SAMD5: variants seen among roughly 807,000 people sequenced by gnomAD.
SAMD5 encodes sterile alpha motif domain-containing protein 5.
In SAMD5, 13 loss-of-function variants were observed where a neutral mutation model predicts 11.3. The ratio of observed to expected loss-of-function variants is 1.15; its 90% confidence interval spans 0.75 to 1.83. The LOEUF is 1.83. Among genes scored for constraint, SAMD5 ranks in the 40% most tolerant of loss-of-function variants. SAMD5 has a pLI of 0.00. For synonymous variants in SAMD5, 129 were observed against 111.3 expected (o/e 1.16, Z -1.00); for missense variants, 255 against 239.1 (o/e 1.07, Z -0.44).
At chr6:147,806,348 T>G in the SAMD5 span, among the ~76,000 whole-genome samples, 10 of 152,118 alleles carry the variant, frequency 6.6e-5, no homozygotes, top group African/African-American at 2.4e-4. Context: ...TGTGATGCAT[T>G]TGCTGCTACT....
At chr6:147,920,056 A>T in the SAMD5 span, among the ~76,000 whole-genome samples, 532 of 152,302 alleles carry the variant, frequency 3.5e-3, 2 homozygotes, top group African/African-American at 0.012. Context: ...ACTGTTTGTG[A>T]TGGTTACCAT....
At chr6:147,637,896 C>T (rs1001591246) in intron 1 of SAMD5, among the ~76,000 whole-genome samples, 10 of 150,848 alleles carry the variant, frequency 6.6e-5, no homozygotes, top group Admixed American at 2.0e-4. Flanking sequence ...AATTTAATAC[C>T]TTTGTTCAGT....
chr6:147,649,470 C>T (rs187416196), intron 1 of SAMD5, among the ~76,000 whole-genome samples: 1 of 152,222 alleles, frequency 6.6e-6, no homozygotes. Flanking sequence ...GATGTATGCT[C>T]AATGAATGAA....
the SAMD5 span, among the ~76,000 whole-genome samples, chr6:147,934,981 C>A: frequency 1.4e-4 from 22 of 152,260 alleles, no homozygotes; most frequent in East Asian, 4.1e-3. Context: ...AGGTTTCAGA[C>A]AACTTGTGTC....
the SAMD5 span, among the ~76,000 whole-genome samples, chr6:147,830,251 C>CTT: frequency 9.7e-3 from 821 of 84,844 alleles, 16 homozygotes; most frequent in African/African-American, 0.026. Flanking sequence ...TTCTTTCTTT[C>CTT]TTTTTTTTTT....
intron 1 of SAMD5, among the ~76,000 whole-genome samples, chr6:147,554,459 C>G (rs1583080194): frequency 6.6e-6 from 1 of 152,202 alleles, no homozygotes; most frequent in African/African-American, 2.4e-5. Flanking sequence ...GTTTGGGGAA[C>G]TGAGCTTGGT....
At chr6:147,834,501 G>A in the SAMD5 span, among the ~76,000 whole-genome samples, 2 of 152,338 alleles carry the variant, frequency 1.3e-5, no homozygotes, top group Admixed American at 6.5e-5. Flanking sequence ...AACACAGGAA[G>A]AGCCTGAGTG....
chr6:147,735,998 G>C (rs750112596), intron 1 of SAMD5, among the ~76,000 whole-genome samples: 53 of 152,106 alleles, frequency 3.5e-4, no homozygotes, highest in Non-Finnish European at 7.2e-4. Context: ...TATATGTCTA[G>C]GTGGGTAGCT....
intron 1 of SAMD5, among the ~76,000 whole-genome samples, chr6:147,675,782 T>C (rs965504583): frequency 3.9e-5 from 6 of 152,046 alleles, no homozygotes; most frequent in Non-Finnish European, 7.3e-5. Context: ...ATAGAATCCA[T>C]TTAAAATGAA....
intron 1 of SAMD5, among the ~76,000 whole-genome samples, chr6:147,703,395 A>G (rs925824275): frequency 6.6e-6 from 1 of 152,082 alleles, no homozygotes; most frequent in Non-Finnish European, 1.5e-5. Flanking sequence ...TTGAATAGTT[A>G]ATCTTAGACT....
the SAMD5 span, among the ~76,000 whole-genome samples, chr6:147,781,772 GCACACACACA>G: frequency 4.2e-3 from 608 of 146,306 alleles, 4 homozygotes; most frequent in African/African-American, 0.011. Context: ...ATTTGTGTGC[GCACACACACA>G]CACACACACA....
At chr6:147,728,191 CGAGGTGGGCAAAT>C (rs1250897281) in intron 1 of SAMD5, among the ~76,000 whole-genome samples, 1 of 152,092 alleles carries the variant, frequency 6.6e-6, no homozygotes, top group Non-Finnish European at 1.5e-5. Flanking sequence ...TTTGGGAGAA[CGAGGTGGGCAAAT>C]TGCTTGAGGT....
chr6:147,658,853 A>G (rs1422231394), intron 1 of SAMD5, among the ~76,000 whole-genome samples: 1 of 152,194 alleles, frequency 6.6e-6, no homozygotes, highest in Non-Finnish European at 1.5e-5. Flanking sequence ...CTGGGGACAC[A>G]TTGTGCTAAA....
chr6:147,657,110 A>G lies in SAMD5; in HGVS notation c.163-80207A>G, dbSNP rs949665662. 6.2e-4 allele frequency among the ~76,000 whole-genome samples: 94 copies of G among 152,160 alleles called. 3 individuals are homozygous for G. Among genetic ancestry groups the G allele is most frequent in the Non-Finnish European group, 1.9e-4 (13 of 68,026 alleles). Reference sequence around the variant, plus strand: ...TCACTTCTATAATAAAGTGATTTCCAGGATATATACTGAAGTGAAAAAAGC... The same window carrying G: ...TCACTTCTATAATAAAGTGATTTCCGGGATATATACTGAAGTGAAAAAAGC... On this transcript the variant is annotated intron_variant, in intron 1 of 1. Coordinates refer to the SAMD5 transcript ENST00000566741.
the SAMD5 span, among the ~76,000 whole-genome samples, chr6:147,935,453 C>G: frequency 2.0e-5 from 3 of 152,182 alleles, no homozygotes; most frequent in East Asian, 5.8e-4. Context: ...TAATGTGAAG[C>G]AAAAGTAGAG....
chr6:147,685,011 A>C (rs1043962666), intron 1 of SAMD5, among the ~76,000 whole-genome samples: 2 of 152,158 alleles, frequency 1.3e-5, no homozygotes, highest in African/African-American at 4.8e-5. Context: ...AAAAAAATTG[A>C]ATAATAGTAG....
chr6:147,890,640 T>G, the SAMD5 span, among the ~76,000 whole-genome samples: 1 of 152,200 alleles, frequency 6.6e-6, no homozygotes, highest in African/African-American at 2.4e-5. Context: ...ATTACAGGCT[T>G]GAGCCACTGT....
the SAMD5 span, among the ~76,000 whole-genome samples, chr6:147,821,940 C>G: frequency 1.3e-5 from 2 of 151,986 alleles, no homozygotes; most frequent in African/African-American, 4.8e-5. Flanking sequence ...GATATTTTTT[C>G]AGAATGAAGT....
chr6:147,788,310 C>T, the SAMD5 span, among the ~76,000 whole-genome samples: 1 of 152,170 alleles, frequency 6.6e-6, no homozygotes, highest in African/African-American at 2.4e-5. Flanking sequence ...GAGTTTATAC[C>T]ACTAATAAAT....
Sources: gnomAD v4.1 joint callset for allele counts (sites outside exome capture counted in the v4.1 genomes callset) on GRCh38, gnomAD v4.1.1 for gene constraint, MANE v1.5 for transcripts, NCBI Gene and HGNC (gene_info 2026-07-23, HGNC 2026-07-21) for gene names.